Variants in POU6F2 observed in about 807,000 individuals in gnomAD.
The protein encoded by POU6F2 is POU domain, class 6, transcription factor 2.
A neutral mutation model predicts 71.3 loss-of-function variants in POU6F2; 31 were observed. That is an observed-to-expected ratio of 0.43 (90% confidence interval 0.33 to 0.59). The LOEUF is 0.59. Among genes scored for constraint, POU6F2 ranks in the 20% least tolerant of loss-of-function variants. The pLI, the probability that POU6F2 is intolerant of heterozygous loss-of-function variation, is 0.04. For missense variants in POU6F2, 783 were observed against 856.8 expected, an observed-to-expected ratio of 0.91 and a Z score of 1.07; for synonymous variants, 347 against 355.7, an observed-to-expected ratio of 0.98 and a Z score of 0.27.
intron 5 of POU6F2, among the ~76,000 whole-genome samples, chr7:39,368,577 A>G (rs1786550990): frequency 6.6e-6 from 1 of 152,364 alleles, no homozygotes; most frequent in African/African-American, 2.4e-5. Context: ...CAGATTTTCA[A>G]TGTAGATGAA....
chr7:39,454,700 ATATATATATATATATATATATAT>A (rs1788752912), intron 8 of POU6F2, among the ~76,000 whole-genome samples: 1 of 61,578 alleles, frequency 1.6e-5, no homozygotes, highest in Admixed American at 2.0e-4. Flanking sequence ...ATATATATAT[ATATATATATATATATATATATAT>A]ATATAAAATA....
Position 39,464,675 on chromosome 7 carries a change from G to A in POU6F2, c.2152G>A (p.Glu718Lys). 1.2e-6 allele frequency: 2 copies of A among 1,602,216 alleles called. No homozygotes were observed. Among genetic ancestry groups the A allele is most frequent in the Non-Finnish European group, 1.7e-6 (2 of 1,175,374 alleles). ...GGAGCCCTTAACAGACTCTCTGGAA[G>A]AAAACTCCTAAAGAGATGCCCACCC... The part of the protein sequence containing the change: ...PLEPLTDSLE[E>K]NS The change falls in exon 10 of 10, where the codon GAA becomes AAA. Residue 718 changes from glutamate (E) to lysine (K), a missense_variant. Coordinates refer to ENST00000518318, the MANE Select transcript of POU6F2 (RefSeq NM_001370959.1). The surrounding 1 kb of genome is among the most constrained non-coding windows in gnomAD (Gnocchi z 4.1).
intron 5 of POU6F2, among the ~76,000 whole-genome samples, chr7:39,390,266 T>G (rs1482590474): frequency 6.6e-6 from 1 of 152,074 alleles, no homozygotes; most frequent in Non-Finnish European, 1.5e-5. Context: ...CATGGTGGTG[T>G]GTGCCCATAG....
At chr7:39,021,149 TTATA>T (rs1158879071) in intron 1 of POU6F2, among the ~76,000 whole-genome samples, 9 of 151,924 alleles carry the variant, frequency 5.9e-5, no homozygotes, top group Admixed American at 5.9e-4. Context: ...TGAATAAATA[TTATA>T]TATTTATGGG....
At chr7:39,214,922 C>T (rs1162993734) in intron 4 of POU6F2, among the ~76,000 whole-genome samples, 1 of 152,110 alleles carries the variant, frequency 6.6e-6, no homozygotes, top group Non-Finnish European at 1.5e-5. Context: ...CATCATAGAG[C>T]CTGAAATGTT....
chr7:39,361,717 C>CT (rs1786393092), intron 5 of POU6F2, among the ~76,000 whole-genome samples: 1 of 152,146 alleles, frequency 6.6e-6, no homozygotes, highest in Non-Finnish European at 1.5e-5. Flanking sequence ...ATGTAACATA[C>CT]TTTGAGAGCC....
At position 39,451,529 on chromosome 7, in the gene POU6F2, G is replaced by A; in HGVS notation, c.1321-4G>A. The A allele has an allele frequency of 2.5e-6, 4 of 1,609,302 alleles. No individual in the cohort carries two copies. The highest frequency in any genetic ancestry group is 2.5e-6 in the Non-Finnish European group (3 of 1,177,000). Reference sequence around the variant, plus strand: ...GTGTATTTTTTTTACATCCCCTCATGTAGCTCCACCAACCCTCCCAGACGT... The same window carrying A: ...GTGTATTTTTTTTACATCCCCTCATATAGCTCCACCAACCCTCCCAGACGT... On this transcript the variant is annotated splice_polypyrimidine_tract_variant and splice_region_variant and intron_variant, in intron 7 of 9. Coordinates refer to ENST00000518318, the MANE Select transcript of POU6F2 (RefSeq NM_001370959.1).
chr7:39,222,537 C>G (rs1794389846), intron 4 of POU6F2, among the ~76,000 whole-genome samples: 1 of 152,196 alleles, frequency 6.6e-6, no homozygotes, highest in Admixed American at 6.5e-5. Context: ...CCAGCTGAAA[C>G]TCTGTACCCA....
chr7:39,306,591 C>A (rs540855116), intron 4 of POU6F2, among the ~76,000 whole-genome samples: 1 of 152,312 alleles, frequency 6.6e-6, no homozygotes, highest in East Asian at 1.9e-4. Context: ...TAACCACACT[C>A]TGTCATCATT....
chr7:39,465,944 A>G lies in POU6F2; in HGVS notation c.*1258A>G, dbSNP rs1409680600. ...GATTTCAGTCAAATACACACATGACATGCACACACCCATAAACACACACAC... is the reference window on the plus strand; with the variant it reads ...GATTTCAGTCAAATACACACATGACGTGCACACACCCATAAACACACACAC... On this transcript the variant is annotated 3_prime_UTR_variant, in exon 10 of 10. Coordinates refer to ENST00000518318, the MANE Select transcript of POU6F2 (RefSeq NM_001370959.1). 1 of 152,266 alleles carries G rather than the reference A, an allele frequency of 6.6e-6. No individual in the cohort carries two copies. The highest frequency in any genetic ancestry group is 1.9e-4 in the East Asian group (1 of 5,202). The allele number at this position is 152,266 out of a possible 1,614,324, so 9.4% of individuals were successfully genotyped here.
At chr7:39,144,562 A>C (rs1294159951) in intron 2 of POU6F2, among the ~76,000 whole-genome samples, 1 of 152,198 alleles carries the variant, frequency 6.6e-6, no homozygotes, top group Non-Finnish European at 1.5e-5. Context: ...TTGCTGTTTA[A>C]AGAACTACTT....
chr7:39,096,378 C>A (rs1791454789), intron 2 of POU6F2, among the ~76,000 whole-genome samples: 1 of 152,110 alleles, frequency 6.6e-6, no homozygotes, highest in Admixed American at 6.6e-5. Flanking sequence ...TGAGCCACCC[C>A]TTCAGACATC....
chr7:39,107,887 C>T (rs1200799055), intron 2 of POU6F2, among the ~76,000 whole-genome samples: 1 of 152,132 alleles, frequency 6.6e-6, no homozygotes, highest in Non-Finnish European at 1.5e-5. Flanking sequence ...AATAAATGTT[C>T]CAATTTTATT....
At chr7:39,250,921 C>A (rs145285331) in intron 4 of POU6F2, among the ~76,000 whole-genome samples, 1 of 152,146 alleles carries the variant, frequency 6.6e-6, no homozygotes, top group African/African-American at 2.4e-5. Context: ...ACTGCAAATG[C>A]GTTCATGTTT....
intron 4 of POU6F2, among the ~76,000 whole-genome samples, chr7:39,253,705 G>A (rs1411107260): frequency 6.6e-6 from 1 of 152,152 alleles, no homozygotes; most frequent in Non-Finnish European, 1.5e-5. Context: ...GCACAGAGCA[G>A]GGAGGAGATG....
At chr7:39,049,236 G>C (rs1399472963) in intron 1 of POU6F2, among the ~76,000 whole-genome samples, 1 of 151,124 alleles carries the variant, frequency 6.6e-6, no homozygotes, top group Non-Finnish European at 1.5e-5. Flanking sequence ...TTTTGTTTTT[G>C]GGTTTAGGTT....
At chr7:39,044,320 G>A (rs1490783428) in intron 1 of POU6F2, among the ~76,000 whole-genome samples, 1 of 151,840 alleles carries the variant, frequency 6.6e-6, no homozygotes, top group Non-Finnish European at 1.5e-5. Flanking sequence ...GATGCTTTAA[G>A]ACACATTACA....
intron 1 of POU6F2, among the ~76,000 whole-genome samples, chr7:39,072,538 T>A (rs1790905142): frequency 6.6e-6 from 1 of 152,206 alleles, no homozygotes; most frequent in Admixed American, 6.5e-5. Context: ...ACTGACTTGT[T>A]AAAATGGGTC....
intron 4 of POU6F2, among the ~76,000 whole-genome samples, chr7:39,317,386 T>C (rs1785290299): frequency 6.6e-6 from 1 of 152,222 alleles, no homozygotes; most frequent in East Asian, 1.9e-4. Flanking sequence ...CACGTTGGCT[T>C]GGAAGTCATC....
Sources: gnomAD v4.1 joint callset for allele counts (sites outside exome capture counted in the v4.1 genomes callset) on GRCh38, gnomAD v4.1.1 for gene constraint, Gnocchi (gnomAD v3.1) non-coding constraint, MANE v1.5 for transcripts, NCBI Gene and HGNC (gene_info 2026-07-23, HGNC 2026-07-21) for gene names.